The following SLC1A7 variants were observed in gnomAD, a reference collection of about 807,000 sequenced individuals.
SLC1A7 encodes excitatory amino acid transporter 5.
SLC1A7 carries 40 observed loss-of-function variants against 47.7 expected under a neutral mutation model. The observed-to-expected ratio is 0.84, with a 90% CI of 0.65 to 1.09. The LOEUF (loss-of-function observed/expected upper bound fraction) is 1.09. SLC1A7 is among the 50% of genes least tolerant of loss of function. SLC1A7 has a pLI of 0.00. For missense variants in SLC1A7, 746 were observed against 769.5 expected (o/e 0.97, Z 0.36); for synonymous variants, 323 against 325.6 (o/e 0.99, Z 0.09).
At chr1:53,127,614 G>T (rs1644897224) in intron 2 of SLC1A7, among the ~76,000 whole-genome samples, 1 of 152,222 alleles carries the variant, frequency 6.6e-6, no homozygotes, top group Non-Finnish European at 1.5e-5. Context: ...CAAGGTGGTG[G>T]GATGTCTCCC....
intron 2 of SLC1A7, among the ~76,000 whole-genome samples, chr1:53,119,925 C>T (rs1361558420): frequency 6.6e-6 from 1 of 152,188 alleles, no homozygotes; most frequent in Non-Finnish European, 1.5e-5. Flanking sequence ...TCCCACACCA[C>T]GCTTGGCTGG....
At chr1:53,136,488 C>A (rs1456814195) in intron 1 of SLC1A7, among the ~76,000 whole-genome samples, 2 of 146,306 alleles carry the variant, frequency 1.4e-5, no homozygotes, top group Admixed American at 6.9e-5. Flanking sequence ...CCACCATGCC[C>A]TGCCAACAAT....
At chr1:53,141,888 C>T (rs35058173) in intron 1 of SLC1A7, among the ~76,000 whole-genome samples, 4 of 152,098 alleles carry the variant, frequency 2.6e-5, no homozygotes, top group South Asian at 4.1e-4. Context: ...CTGGCCTCTG[C>T]GCTCCGGCCG....
chr1:53,094,242 G>C (rs370612398), intron 5 of SLC1A7, among the ~76,000 whole-genome samples: 2 of 152,226 alleles, frequency 1.3e-5, no homozygotes, highest in Non-Finnish European at 1.5e-5. Flanking sequence ...GTGGTCAATG[G>C]TGAGTGAGGA....
chr1:53,109,735 C>G (rs913276864), intron 3 of SLC1A7, among the ~76,000 whole-genome samples: 16 of 152,278 alleles, frequency 1.1e-4, no homozygotes, highest in African/African-American at 3.6e-4. Context: ...GCCAGTGTCC[C>G]CATCTCCTTC....
intron 1 of SLC1A7, among the ~76,000 whole-genome samples, chr1:53,137,035 C>T (rs1487251696): frequency 6.6e-6 from 1 of 151,876 alleles, no homozygotes; most frequent in Non-Finnish European, 1.5e-5. Context: ...GCCTGTAATC[C>T]CAGCACTTTG....
At chr1:53,093,805 C>A (rs1417670734) in intron 5 of SLC1A7, among the ~76,000 whole-genome samples, 1 of 152,158 alleles carries the variant, frequency 6.6e-6, no homozygotes, top group African/African-American at 2.4e-5. Flanking sequence ...TGCTCCCTGC[C>A]AAGTGCACCC....
intron 5 of SLC1A7, among the ~76,000 whole-genome samples, chr1:53,099,087 C>T (rs1021894378): frequency 7.3e-5 from 11 of 151,590 alleles, no homozygotes; most frequent in Non-Finnish European, 1.3e-4. Flanking sequence ...CACCCCGCCT[C>T]GGTACATGCA....
chr1:53,133,168 G>A (rs1431338920), intron 2 of SLC1A7, among the ~76,000 whole-genome samples: 4 of 152,166 alleles, frequency 2.6e-5, no homozygotes, highest in African/African-American at 4.8e-5. Flanking sequence ...TGGAGAGGCC[G>A]TGTGGAAGAA....
intron 5 of SLC1A7, among the ~76,000 whole-genome samples, chr1:53,098,589 CACA>C (rs1644530336): frequency 2.0e-5 from 3 of 151,358 alleles, no homozygotes; most frequent in African/African-American, 4.9e-5. Flanking sequence ...CCTCGGTACA[CACA>C]TACACACCGC....
chr1:53,096,001 C>A (rs1287752686), intron 5 of SLC1A7, among the ~76,000 whole-genome samples: 1 of 149,620 alleles, frequency 6.7e-6, no homozygotes. Flanking sequence ...CACACCCCGC[C>A]TCAGTACACT....
intron 2 of SLC1A7, among the ~76,000 whole-genome samples, chr1:53,123,021 C>T (rs1299278799): frequency 1.3e-5 from 2 of 152,050 alleles, no homozygotes; most frequent in East Asian, 3.9e-4. Context: ...GGCCTGGGTG[C>T]CAAGAGGGCG....
chr1:53,142,305 G>T lies in SLC1A7; in HGVS notation c.135+10C>A, dbSNP rs1248038044. 1.3e-6 allele frequency: 2 copies of T among 1,553,700 alleles called. No individual in the cohort carries two copies. The highest frequency in any genetic ancestry group is 2.4e-5 in the East Asian group (1 of 41,152). On this transcript the variant is annotated intron_variant, in intron 1 of 10. Transcript: ENST00000371494. The stretch of plus-strand genomic sequence containing the variant: ...TGGACAGGGGTCCCGAGATGCTCTG[G>T]GTGGCTGACCTGTGGTGAGAGGCGC...
At chr1:53,134,491 C>T in intron 1 of SLC1A7, 62 bp from the exon 2 acceptor site, 1 of 1,093,878 alleles carries the variant, frequency 9.1e-7, no homozygotes, top group Non-Finnish European at 1.4e-6. Flanking sequence ...TGGTTCCGTT[C>T]TTCACAGTCT....
Position 53,089,928 on chromosome 1 carries a change from T to C in SLC1A7, c.1233A>G (p.Thr411=). 1 of 1,612,964 alleles carries C rather than the reference T, an allele frequency of 6.2e-7. No homozygotes were observed. Among genetic ancestry groups the C allele is most frequent in the Non-Finnish European group, 8.5e-7 (1 of 1,179,654 alleles). The stretch of plus-strand genomic sequence containing the variant: ...CTGCCCCAATGCTGGCTGCAGTGGC[T>C]GTGATACTGCAGGGGGTGGGAAGGG... ...DFGQIITISI[T]ATAASIGAAG... The change falls in exon 9 of 11, where the codon ACA becomes ACG. Residue 411 remains threonine, a synonymous_variant. Transcript: ENST00000371494.
Position 53,139,576 on chromosome 1 carries a change from T to C in SLC1A7, c.135+2739A>G, listed in dbSNP as rs530895881. On this transcript the variant is annotated intron_variant, in intron 1 of 10. Transcript: ENST00000371494. ...GCTCTGGTTACAAAACTCCAAACCA[T>C]GCCCAGGCTTTCAACCCCAGCCTCA... 9.2e-5 allele frequency among the ~76,000 whole-genome samples: 14 copies of C among 152,320 alleles called. No homozygotes were observed. The South Asian group carries it at 1.7e-3, about 18-fold the overall frequency.
At chr1:53,125,821 G>A (rs546976558) in intron 2 of SLC1A7, among the ~76,000 whole-genome samples, 1 of 152,320 alleles carries the variant, frequency 6.6e-6, no homozygotes, top group East Asian at 1.9e-4. Flanking sequence ...AGGGCTGGTG[G>A]CAGGACCCCA....
At chr1:53,103,914 C>T (rs914764713) in intron 4 of SLC1A7, among the ~76,000 whole-genome samples, 8 of 152,170 alleles carry the variant, frequency 5.3e-5, no homozygotes, top group African/African-American at 1.9e-4. Context: ...CCCTCCCAAT[C>T]ATCCAGTATC....
In SLC1A7 at chr1:53,089,814, G is replaced by A. The variant is rs374989145; in HGVS notation, c.1347C>T (p.Ala449=). 59 of 1,613,862 alleles carry A rather than the reference G, an allele frequency of 3.7e-5. 1 individual carries two copies. The highest frequency in any genetic ancestry group is 2.5e-4 in the South Asian group (23 of 91,070). ...LPTDDITLII[A]VDWALDRFRT... is the part of the protein sequence containing the mutation. The stretch of plus-strand genomic sequence containing the variant: ...AGTCCACTCACAGAGCCCAGTCAAC[G>A]GCAATGATGAGGGTGATGTCATCGG... Residue 449 remains alanine, a synonymous_variant, in exon 9 of 11, where the codon GCC becomes GCT. Transcript: ENST00000371494.
Sources: gnomAD v4.1 joint callset for allele counts (sites outside exome capture counted in the v4.1 genomes callset) on GRCh38, gnomAD v4.1.1 for gene constraint, MANE v1.5 for transcripts, NCBI Gene and HGNC (gene_info 2026-07-23, HGNC 2026-07-21) for gene names.